The following PSMD1 variants were observed in gnomAD, a reference collection of about 807,000 sequenced individuals.
PSMD1 encodes the protein proteasome 26S subunit, non-ATPase 1.
PSMD1 carries 18 observed loss-of-function variants against 119.0 expected under a neutral mutation model. The observed-to-expected ratio is 0.15, with a 90% confidence interval of 0.10 to 0.22. The LOEUF (loss-of-function observed/expected upper bound fraction) is 0.22, where lower values mean the gene tolerates loss of function less well. Ranked by LOEUF, PSMD1 falls within the 10% of genes least tolerant of loss-of-function variation. PSMD1 has a pLI of 1.00. For missense variants in PSMD1, 702 were observed against 1,158.5 expected, an observed-to-expected ratio of 0.61 and a Z score of 5.72; for synonymous variants, 374 against 396.6, an observed-to-expected ratio of 0.94 and a Z score of 0.68.
At chr2:231,095,052 T>G (rs1694692554) in intron 16 of PSMD1, among the ~76,000 whole-genome samples, 1 of 152,202 alleles carries the variant, frequency 6.6e-6, no homozygotes, top group Non-Finnish European at 1.5e-5. Flanking sequence ...ATTAACCCTG[T>G]CGGGAGTGTT....
At chr2:231,142,612 T>C (rs1324755320) in intron 17 of PSMD1, among the ~76,000 whole-genome samples, 3 of 152,188 alleles carry the variant, frequency 2.0e-5, no homozygotes, top group Admixed American at 1.3e-4. Context: ...TCAGTACCTA[T>C]GTAACTAGTT....
intron 16 of PSMD1, among the ~76,000 whole-genome samples, chr2:231,126,772 T>C (rs1235554002): frequency 6.6e-6 from 1 of 152,172 alleles, no homozygotes; most frequent in Non-Finnish European, 1.5e-5. Flanking sequence ...TTTTTTTTAT[T>C]TTTGCTTTTT....
chr2:231,157,674 C>T (rs546077381), intron 19 of PSMD1, among the ~76,000 whole-genome samples: 1 of 152,064 alleles, frequency 6.6e-6, no homozygotes, highest in Admixed American at 6.5e-5. Context: ...TCAAGCAATT[C>T]TCCTGCCTCA....
intron 16 of PSMD1, among the ~76,000 whole-genome samples, chr2:231,089,223 G>A (rs1031637808): frequency 5.3e-5 from 8 of 152,202 alleles, no homozygotes; most frequent in Admixed American, 3.9e-4. Flanking sequence ...AACAAGTGCT[G>A]ATGCAGAAGC....
chr2:231,143,290 C>T lies in PSMD1; in HGVS notation c.1999-2950C>T, dbSNP rs189209178. On this transcript the variant is annotated intron_variant, in intron 17 of 24. Coordinates refer to ENST00000308696, the MANE Select transcript of PSMD1 (RefSeq NM_002807.4). Reference sequence around the variant, plus strand: ...TGTTGCCCAGGCTAGAGTGCAGTGGCGCTATCTCGGCTCACTGGAACCTCC... The same window carrying T: ...TGTTGCCCAGGCTAGAGTGCAGTGGTGCTATCTCGGCTCACTGGAACCTCC... 4.3e-3 allele frequency among the ~76,000 whole-genome samples: 649 copies of T among 152,062 alleles called. 4 individuals are homozygous for T. The highest frequency in any genetic ancestry group is 0.015 in the African/African-American group (605 of 41,446).
chr2:231,161,048 C>G (rs751940831), intron 19 of PSMD1, among the ~76,000 whole-genome samples: 1 of 151,872 alleles, frequency 6.6e-6, no homozygotes, highest in Non-Finnish European at 1.5e-5. Flanking sequence ...CTCGTCTCTA[C>G]AAAAAATTTA....
At chr2:231,134,521 G>T (rs1695926079) in intron 16 of PSMD1, among the ~76,000 whole-genome samples, 1 of 152,188 alleles carries the variant, frequency 6.6e-6, no homozygotes, top group Non-Finnish European at 1.5e-5. Flanking sequence ...TCTTAAGAAA[G>T]ATAGAGAGGG....
chr2:231,069,896 T>C, intron 5 of PSMD1, 129 bp from the exon 6 acceptor site: 1 of 631,052 alleles, frequency 1.6e-6, no homozygotes, highest in South Asian at 7.0e-5. Flanking sequence ...GAGTTTGTAT[T>C]GCTTAAGAGG....
chr2:231,096,915 G>A (rs1347249792), intron 16 of PSMD1, among the ~76,000 whole-genome samples: 2 of 152,184 alleles, frequency 1.3e-5, no homozygotes, highest in Non-Finnish European at 2.9e-5. Context: ...GCAGATGATC[G>A]GAATGAGTCA....
intron 16 of PSMD1, among the ~76,000 whole-genome samples, chr2:231,100,802 G>C (rs947116880): frequency 6.6e-6 from 1 of 152,182 alleles, no homozygotes; most frequent in Non-Finnish European, 1.5e-5. Flanking sequence ...GCTGATAACT[G>C]TTGTCCCATG....
At chr2:231,100,961 G>A (rs947170795) in intron 16 of PSMD1, among the ~76,000 whole-genome samples, 3 of 152,180 alleles carry the variant, frequency 2.0e-5, no homozygotes, top group Admixed American at 6.5e-5. Flanking sequence ...ACCACCTGCC[G>A]AGTCTGTCCT....
At chr2:231,083,539 T>G in intron 13 of PSMD1, 28 bp from the exon 14 acceptor site, 1 of 1,611,440 alleles carries the variant, frequency 6.2e-7, no homozygotes. Flanking sequence ...CATAACTCTC[T>G]GTTAACATTT....
At chr2:231,109,307 A>AGCATGAAATCGC in intron 16 of PSMD1, 2 of 1,614,136 alleles carry the variant, frequency 1.2e-6, no homozygotes, top group Non-Finnish European at 1.7e-6. Context: ...TGAGCCAAAG[A>AGCATGAAATCGC]GCATGAAATC....
chr2:231,134,464 T>C (rs1186934786), intron 16 of PSMD1, among the ~76,000 whole-genome samples: 1 of 152,222 alleles, frequency 6.6e-6, no homozygotes, highest in Non-Finnish European at 1.5e-5. Flanking sequence ...CTGTGTCGTG[T>C]ATAATAATCA....
At position 231,082,624 on chromosome 2, in the gene PSMD1, G is replaced by A. The variant is rs537561717; in HGVS notation, c.1414-259G>A. On this transcript the variant is annotated intron_variant, in intron 12 of 24. Transcript: ENST00000308696. ...AGAGGCTAAGGCAGGAGAATCACTT[G>A]AACCCAGGAGGTGGAGTTTGCAGTG... is the stretch of plus-strand genomic sequence containing the variant. 6.9e-4 allele frequency among the ~76,000 whole-genome samples: 105 copies of A among 152,306 alleles called. 1 individual carries two copies. The highest frequency in any genetic ancestry group is 9.2e-4 in the Admixed American group (14 of 15,300).
chr2:231,134,845 G>A (rs1156521824), intron 16 of PSMD1, among the ~76,000 whole-genome samples: 2 of 152,182 alleles, frequency 1.3e-5, no homozygotes, highest in Non-Finnish European at 2.9e-5. Flanking sequence ...AGCAAAAGTG[G>A]AACAGGAAAG....
chr2:231,084,129 A>G (rs1694377841), intron 14 of PSMD1, among the ~76,000 whole-genome samples: 1 of 152,064 alleles, frequency 6.6e-6, no homozygotes, highest in Admixed American at 6.5e-5. Context: ...CAGGTGGATC[A>G]CTTGAGGTCA....
chr2:231,058,444 C>T (rs1258825588), intron 1 of PSMD1, among the ~76,000 whole-genome samples: 1 of 152,152 alleles, frequency 6.6e-6, no homozygotes, highest in Admixed American at 6.5e-5. Flanking sequence ...TTTAGAGCAG[C>T]CGTGTCCAAC....
chr2:231,159,025 T>C (rs1466621091), intron 19 of PSMD1, among the ~76,000 whole-genome samples: 1 of 152,168 alleles, frequency 6.6e-6, no homozygotes, highest in Admixed American at 6.6e-5. Context: ...CTGATTCTTA[T>C]AAAAATTAAA....
Sources: allele counts gnomAD v4.1 joint callset (sites outside exome capture counted in the v4.1 genomes callset), GRCh38; gene constraint gnomAD v4.1.1; transcripts MANE v1.5; gene names NCBI Gene and HGNC (gene_info 2026-07-23, HGNC 2026-07-21).